LRFN5: variants seen among roughly 807,000 people sequenced by gnomAD.
LRFN5 encodes leucine-rich repeat and fibronectin type-III domain-containing protein 5.
Under a neutral mutation model 45.6 loss-of-function variants are expected in LRFN5, and 24 were observed. The observed-to-expected ratio is 0.53, with a 90% CI of 0.38 to 0.74. The LOEUF (loss-of-function observed/expected upper bound fraction) is 0.74, where lower values mean the gene tolerates loss of function less well. Among genes scored for constraint, LRFN5 ranks in the 30% least tolerant of loss-of-function variants. LRFN5 has a pLI of 0.00. For synonymous variants in LRFN5, 340 were observed against 313.8 expected (o/e 1.08, Z -0.88); for missense variants, 776 against 861.5 (o/e 0.90, Z 1.24).
intron 2 of LRFN5, among the ~76,000 whole-genome samples, chr14:41,783,316 G>A (rs538971026): frequency 1.3e-5 from 2 of 152,190 alleles, no homozygotes; most frequent in East Asian, 1.9e-4. Flanking sequence ...ATTCCTTTGT[G>A]TGGCTCTAAC....
At chr14:41,764,551 G>C (rs1249610422) in intron 1 of LRFN5, among the ~76,000 whole-genome samples, 1 of 152,088 alleles carries the variant, frequency 6.6e-6, no homozygotes, top group Non-Finnish European at 1.5e-5. Flanking sequence ...TAAAGACATA[G>C]ACCTACTGTT....
chr14:41,649,624 A>G (rs752260569), intron 1 of LRFN5, among the ~76,000 whole-genome samples: 1 of 152,056 alleles, frequency 6.6e-6, no homozygotes, highest in Non-Finnish European at 1.5e-5. Flanking sequence ...CCCATCCTCA[A>G]TATCTGATCA....
chr14:41,687,128 A>C (rs1882157858), intron 1 of LRFN5, among the ~76,000 whole-genome samples: 1 of 152,146 alleles, frequency 6.6e-6, no homozygotes, highest in Non-Finnish European at 1.5e-5. Flanking sequence ...TATACTTTAC[A>C]AGGGGCTTAA....
intron 4 of LRFN5, among the ~76,000 whole-genome samples, chr14:41,895,855 AAACAT>A (rs1890922667): frequency 6.6e-6 from 1 of 152,076 alleles, no homozygotes; most frequent in Admixed American, 6.5e-5. Context: ...AGAAATCTCT[AAACAT>A]AACAAGTCTA....
At chr14:41,873,311 G>A (rs1468908760) in intron 2 of LRFN5, among the ~76,000 whole-genome samples, 1 of 151,998 alleles carries the variant, frequency 6.6e-6, no homozygotes, top group Non-Finnish European at 1.5e-5. Flanking sequence ...AGGGGTAGAA[G>A]AGCAGAGTGC....
chr14:41,719,735 A>ATGTG (rs367934897), intron 1 of LRFN5, among the ~76,000 whole-genome samples: 8 of 150,646 alleles, frequency 5.3e-5, no homozygotes, highest in African/African-American at 2.0e-4. Context: ...ATATATATGT[A>ATGTG]TGTGTGTGTG....
intron 3 of LRFN5, among the ~76,000 whole-genome samples, chr14:41,889,114 C>CTATA (rs1555330013): frequency 1.4e-5 from 2 of 146,996 alleles, no homozygotes; most frequent in African/African-American, 5.0e-5. Flanking sequence ...ATATATGTCT[C>CTATA]TATATATATA....
At chr14:41,653,024 T>C (rs1367197806) in intron 1 of LRFN5, among the ~76,000 whole-genome samples, 8 of 152,186 alleles carry the variant, frequency 5.3e-5, no homozygotes, top group Non-Finnish European at 1.2e-4. Context: ...TTTTTCTTCT[T>C]GTAAATTTGT....
chr14:41,703,769 A>T (rs1458910709), intron 1 of LRFN5, among the ~76,000 whole-genome samples: 1 of 152,194 alleles, frequency 6.6e-6, no homozygotes, highest in Non-Finnish European at 1.5e-5. Context: ...TGATAGTGTC[A>T]GGTGGTACAA....
At chr14:41,874,828 C>A (rs112291809) in intron 2 of LRFN5, among the ~76,000 whole-genome samples, 2 of 152,166 alleles carry the variant, frequency 1.3e-5, no homozygotes, top group Non-Finnish European at 2.9e-5. Context: ...AGGGAACTTA[C>A]AATCATTGTG....
intron 2 of LRFN5, among the ~76,000 whole-genome samples, chr14:41,779,425 T>G (rs748765632): frequency 6.6e-6 from 1 of 151,920 alleles, no homozygotes; most frequent in Non-Finnish European, 1.5e-5. Context: ...GCAGTTGGTC[T>G]ATAGATTTCC....
chr14:41,684,155 G>A (rs1882020524), intron 1 of LRFN5, among the ~76,000 whole-genome samples: 1 of 152,068 alleles, frequency 6.6e-6, no homozygotes, highest in South Asian at 2.1e-4. Context: ...AACTATTTTC[G>A]ACCAAGGTGC....
intron 1 of LRFN5, among the ~76,000 whole-genome samples, chr14:41,757,310 A>G (rs1398466556): frequency 6.6e-6 from 1 of 152,202 alleles, no homozygotes; most frequent in Non-Finnish European, 1.5e-5. Context: ...TTAAGTCTGC[A>G]GAGATTTCTG....
chr14:41,864,870 C>T (rs983117954), intron 2 of LRFN5, among the ~76,000 whole-genome samples: 4 of 151,872 alleles, frequency 2.6e-5, no homozygotes, highest in Admixed American at 2.0e-4. Flanking sequence ...TCATTCCTCT[C>T]CTCTATCAGC....
intron 1 of LRFN5, among the ~76,000 whole-genome samples, chr14:41,667,631 T>A (rs971260484): frequency 3.9e-5 from 6 of 152,166 alleles, no homozygotes; most frequent in Admixed American, 6.5e-5. Flanking sequence ...CATTGATGAA[T>A]TTAAACATTC....
Position 41,677,071 on chromosome 14 carries a change from C to T in LRFN5, c.-197+68509C>T, listed in dbSNP as rs149018704. Among the ~76,000 whole-genome samples, 530 of 151,990 alleles carry T rather than the reference C, an allele frequency of 3.5e-3. 1 individual carries two copies. Among genetic ancestry groups the T allele is most frequent in the Non-Finnish European group, 5.6e-3 (382 of 67,992 alleles). ...GTTTTGACCAGTAAGTGGCTTATGC[C>T]AATCCAGGAACACATCCTAGGTAGC... is the stretch of plus-strand genomic sequence containing the variant. On this transcript the variant is annotated intron_variant, in intron 1 of 5. Transcript: ENST00000298119.
chr14:41,769,819 A>G (rs978046634), intron 2 of LRFN5, among the ~76,000 whole-genome samples: 3 of 152,218 alleles, frequency 2.0e-5, no homozygotes, highest in Admixed American at 6.5e-5. Flanking sequence ...ATTCTTTACT[A>G]AACATTAATT....
intron 2 of LRFN5, among the ~76,000 whole-genome samples, chr14:41,774,409 A>C (rs1248593201): frequency 1.3e-5 from 2 of 152,218 alleles, no homozygotes; most frequent in African/African-American, 4.8e-5. Context: ...CCTTTACAGC[A>C]AGAAAAACAT....
chr14:41,813,219 T>C (rs1346754737), intron 2 of LRFN5, among the ~76,000 whole-genome samples: 1 of 152,106 alleles, frequency 6.6e-6, no homozygotes, highest in African/African-American at 2.4e-5. Context: ...TATTACAGTT[T>C]AAGTTCTGGG....
Sources: allele counts gnomAD v4.1 joint callset (sites outside exome capture counted in the v4.1 genomes callset), GRCh38; gene constraint gnomAD v4.1.1; transcripts MANE v1.5; gene names NCBI Gene and HGNC (gene_info 2026-07-23, HGNC 2026-07-21).